The following CPNE4 variants were observed in gnomAD, a reference collection of about 807,000 sequenced individuals.
CPNE4 encodes copine 4, also known as copine-4.
Under a neutral mutation model 67.9 loss-of-function variants are expected in CPNE4, and 25 were observed. That is an observed-to-expected ratio of 0.37 (90% confidence interval 0.27 to 0.51). The LOEUF (loss-of-function observed/expected upper bound fraction) is 0.51, where lower values mean the gene tolerates loss of function less well. Among genes scored for constraint, CPNE4 ranks in the 20% least tolerant of loss-of-function variants. The pLI is 0.93. For missense variants in CPNE4, 464 were observed against 690.8 expected (o/e 0.67, Z 3.68); for synonymous variants, 242 against 244.9 (o/e 0.99, Z 0.11).
intron 2 of CPNE4, among the ~76,000 whole-genome samples, chr3:131,746,817 T>C (rs774800490): frequency 3.9e-5 from 6 of 152,130 alleles, no homozygotes; most frequent in Non-Finnish European, 8.8e-5. Flanking sequence ...TATATTGTAG[T>C]TCTATTTTTA....
At chr3:131,622,938 C>T (rs1940554759) in intron 7 of CPNE4, among the ~76,000 whole-genome samples, 1 of 152,088 alleles carries the variant, frequency 6.6e-6, no homozygotes. Context: ...TTTGTTGTTG[C>T]TGTTGTTGTT....
At chr3:131,670,186 G>A (rs1249127738) in intron 6 of CPNE4, among the ~76,000 whole-genome samples, 1 of 152,078 alleles carries the variant, frequency 6.6e-6, no homozygotes, top group African/African-American at 2.4e-5. Context: ...AGGGTGAAGG[G>A]TATAGCAAGA....
chr3:131,746,253 C>T (rs1414427999), intron 2 of CPNE4, among the ~76,000 whole-genome samples: 1 of 152,128 alleles, frequency 6.6e-6, no homozygotes, highest in Non-Finnish European at 1.5e-5. Flanking sequence ...CCATCTTAAA[C>T]ATTTATCATT....
chr3:131,587,705 A>T, intron 7 of CPNE4, 123 bp from the exon 8 acceptor site: 2 of 696,108 alleles, frequency 2.9e-6, no homozygotes, highest in Non-Finnish European at 4.9e-6. Flanking sequence ...AAAGCCTGGG[A>T]GTCTAAGATT....
rs1179540358 is a variant in CPNE4, at chr3:131,833,387, G to A, written c.180+71877C>T. Reference sequence around the variant, plus strand: ...TATATCAGAAGAGGGCTGGCCCAAAGTATCATGATATAAAATCTGCTTGGG... The same window carrying A: ...TATATCAGAAGAGGGCTGGCCCAAAATATCATGATATAAAATCTGCTTGGG... On this transcript the variant is annotated intron_variant, in intron 2 of 15. Coordinates refer to ENST00000429747, the MANE Select transcript of CPNE4 (RefSeq NM_130808.3). Among the ~76,000 whole-genome samples, 4 of 152,232 alleles carry A rather than the reference G, an allele frequency of 2.6e-5. No individual in the cohort carries two copies. The East Asian group carries it at 7.7e-4, about 29-fold the overall frequency.
chr3:131,947,421 G>C (rs2071585425), intron 1 of CPNE4, among the ~76,000 whole-genome samples: 1 of 151,928 alleles, frequency 6.6e-6, no homozygotes, highest in Non-Finnish European at 1.5e-5. Flanking sequence ...AGTGTGTGAT[G>C]TTTCCATCCC....
chr3:131,647,850 T>C (rs1452468779), intron 7 of CPNE4, among the ~76,000 whole-genome samples: 2 of 152,170 alleles, frequency 1.3e-5, no homozygotes, highest in African/African-American at 4.8e-5. Flanking sequence ...CTTAAATAAG[T>C]CTCCAAATGA....
chr3:131,801,414 A>AAGTGTGTATG (rs1560344419), intron 2 of CPNE4, among the ~76,000 whole-genome samples: 1 of 20,008 alleles, frequency 5.0e-5, no homozygotes, highest in Non-Finnish European at 1.1e-4. Flanking sequence ...GTACATATAT[A>AAGTGTGTATG]CGTGTGTGTG....
chr3:131,945,257 C>A (rs2071518152), intron 1 of CPNE4, among the ~76,000 whole-genome samples: 2 of 152,152 alleles, frequency 1.3e-5, no homozygotes. Flanking sequence ...CTCCATTTTG[C>A]AAATGCAGTT....
At chr3:132,028,888 A>T (rs980327482) in intron 1 of CPNE4, among the ~76,000 whole-genome samples, 2 of 151,582 alleles carry the variant, frequency 1.3e-5, no homozygotes, top group Non-Finnish European at 2.9e-5. Flanking sequence ...TGATTTTTTA[A>T]AATTTTGTGT....
At chr3:131,954,375 C>T (rs1003250056) in intron 1 of CPNE4, among the ~76,000 whole-genome samples, 1 of 152,102 alleles carries the variant, frequency 6.6e-6, no homozygotes, top group African/African-American at 2.4e-5. Flanking sequence ...CACATATGCA[C>T]ACAAACACCC....
chr3:131,655,261 ACT>A (rs946051181), intron 7 of CPNE4, among the ~76,000 whole-genome samples: 1 of 152,132 alleles, frequency 6.6e-6, no homozygotes, highest in African/African-American at 2.4e-5. Context: ...TGAATCAGAG[ACT>A]CTGGGGTTAG....
At chr3:131,801,664 G>C (rs1427360902) in intron 2 of CPNE4, among the ~76,000 whole-genome samples, 3 of 149,998 alleles carry the variant, frequency 2.0e-5, no homozygotes, top group African/African-American at 7.3e-5. Context: ...TATTATCAAA[G>C]ACATGACTCA....
intron 7 of CPNE4, among the ~76,000 whole-genome samples, chr3:131,625,631 G>A (rs182346660): frequency 1.1e-4 from 16 of 152,302 alleles, no homozygotes; most frequent in Non-Finnish European, 1.5e-4. Flanking sequence ...TTTATCCATG[G>A]AGGATATGTT....
At chr3:131,676,822 G>A (rs2080584914) in intron 6 of CPNE4, among the ~76,000 whole-genome samples, 1 of 152,046 alleles carries the variant, frequency 6.6e-6, no homozygotes, top group Non-Finnish European at 1.5e-5. Flanking sequence ...TTGTTATTGT[G>A]AATAGTGCTG....
intron 1 of CPNE4, among the ~76,000 whole-genome samples, chr3:131,944,717 T>C (rs2071498999): frequency 7.9e-6 from 1 of 127,102 alleles, no homozygotes; most frequent in Admixed American, 8.0e-5. Flanking sequence ...AATTTACATC[T>C]TAATTTTTTT....
At chr3:131,561,404 T>C (rs933672904) in intron 11 of CPNE4, among the ~76,000 whole-genome samples, 1 of 151,874 alleles carries the variant, frequency 6.6e-6, no homozygotes, top group Non-Finnish European at 1.5e-5. Context: ...CAAGTAGTTG[T>C]GCTGGGGTGG....
intron 2 of CPNE4, among the ~76,000 whole-genome samples, chr3:131,800,483 C>G (rs1017247947): frequency 6.6e-6 from 1 of 152,174 alleles, no homozygotes; most frequent in East Asian, 1.9e-4. Context: ...AAATGGCCAT[C>G]TGAGCCATTG....
chr3:131,704,137 C>T (rs936429607), intron 3 of CPNE4, among the ~76,000 whole-genome samples: 12 of 152,166 alleles, frequency 7.9e-5, no homozygotes, highest in South Asian at 6.2e-4. Flanking sequence ...CCAACCACTA[C>T]GGAGAACTAA....
Sources: allele counts gnomAD v4.1 joint callset (sites outside exome capture counted in the v4.1 genomes callset), GRCh38; gene constraint gnomAD v4.1.1; transcripts MANE v1.5; gene names NCBI Gene and HGNC (gene_info 2026-07-23, HGNC 2026-07-21).